Variants in GPR39 observed in about 807,000 individuals in gnomAD.
GPR39 encodes the protein G protein-coupled receptor 39.
GPR39 carries 23 observed loss-of-function variants against 18.4 expected under a neutral mutation model. The ratio of observed to expected loss-of-function variants is 1.25; its 90% CI spans 0.90 to 1.77. GPR39 has a LOEUF of 1.77. Ranked by LOEUF, GPR39 falls within the 40% of genes most tolerant of loss-of-function variation. GPR39 has a pLI of 0.00. For missense variants in GPR39, 647 were observed against 602.4 expected (o/e 1.07, Z -0.78); for synonymous variants, 280 against 257.9 (o/e 1.09, Z -0.82).
At chr2:132,485,510 C>T (rs1681319189) in intron 1 of GPR39, among the ~76,000 whole-genome samples, 1 of 152,206 alleles carries the variant, frequency 6.6e-6, no homozygotes, top group Non-Finnish European at 1.5e-5. Context: ...GAAGTCAATC[C>T]TCTAAAATCC....
intron 1 of GPR39, among the ~76,000 whole-genome samples, chr2:132,605,329 G>C (rs895630625): frequency 6.6e-6 from 1 of 152,204 alleles, no homozygotes; most frequent in African/African-American, 2.4e-5. Flanking sequence ...AGACATCCCA[G>C]GCATGGAGGA....
In GPR39 at chr2:132,645,583, G is replaced by A. The variant is rs202000387; in HGVS notation, c.1339G>A (p.Gly447Ser). The change falls in exon 2 of 2, where the codon GGT becomes AGT. Residue 447 changes from glycine to serine, a missense_variant. Gly to Ser is a moderately conservative substitution (Grantham distance 56, BLOSUM62 0). Coordinates refer to ENST00000329321, the MANE Select transcript of GPR39 (RefSeq NM_001508.3). ...ACCAGCCAATTCTGCTGCAGAGAAT[G>A]GTTTTCAGGAGCATGAAGTTTGAAT... ...AKPANSAAEN[G>S]FQEHEV The A allele has an allele frequency of 1.2e-4, 187 of 1,612,468 alleles. No homozygotes were observed. The highest frequency in any genetic ancestry group is 7.9e-5 in the Non-Finnish European group (93 of 1,179,330).
chr2:132,509,257 CAA>C (rs966793937), intron 1 of GPR39, among the ~76,000 whole-genome samples: 2 of 152,186 alleles, frequency 1.3e-5, no homozygotes, highest in East Asian at 1.9e-4. Flanking sequence ...TTTAGGGAAA[CAA>C]ACACATTTCT....
intron 1 of GPR39, among the ~76,000 whole-genome samples, chr2:132,444,687 T>C (rs1045197857): frequency 6.6e-6 from 1 of 152,226 alleles, no homozygotes; most frequent in Admixed American, 6.5e-5. Context: ...AACTTGATGC[T>C]AATGGCCAGG....
At chr2:132,586,614 C>G (rs1680736734) in intron 1 of GPR39, among the ~76,000 whole-genome samples, 3 of 152,210 alleles carry the variant, frequency 2.0e-5, no homozygotes, top group South Asian at 4.1e-4. Flanking sequence ...GTATCCACAG[C>G]AGAGCTGCTG....
At chr2:132,552,098 T>C (rs1376966031) in intron 1 of GPR39, among the ~76,000 whole-genome samples, 3 of 152,194 alleles carry the variant, frequency 2.0e-5, no homozygotes, top group Non-Finnish European at 4.4e-5. Flanking sequence ...ATATCTATAC[T>C]GAATATGTAC....
intron 1 of GPR39, among the ~76,000 whole-genome samples, chr2:132,482,145 C>T (rs1681246796): frequency 6.6e-6 from 1 of 152,154 alleles, no homozygotes; most frequent in Admixed American, 6.5e-5. Context: ...GCCTGTCTGC[C>T]TCTCTTTGTA....
At chr2:132,529,396 C>T (rs1252785783) in intron 1 of GPR39, among the ~76,000 whole-genome samples, 2 of 152,252 alleles carry the variant, frequency 1.3e-5, no homozygotes, top group East Asian at 3.9e-4. Context: ...TCAAGGAGGC[C>T]TGCCTGCCTC....
chr2:132,509,164 G>T (rs1405132223), intron 1 of GPR39, among the ~76,000 whole-genome samples: 1 of 152,172 alleles, frequency 6.6e-6, no homozygotes, highest in Non-Finnish European at 1.5e-5. Context: ...GCAGGCCTTA[G>T]CCTGACAGAT....
At chr2:132,630,645 A>G (rs938159291) in intron 1 of GPR39, among the ~76,000 whole-genome samples, 2 of 152,202 alleles carry the variant, frequency 1.3e-5, no homozygotes, top group Non-Finnish European at 2.9e-5. Flanking sequence ...CAGGAGTGAC[A>G]GGGAGACTTC....
intron 1 of GPR39, among the ~76,000 whole-genome samples, chr2:132,440,451 A>G (rs553714709): frequency 1.3e-5 from 2 of 152,282 alleles, no homozygotes; most frequent in Admixed American, 1.3e-4. Context: ...GTGAACTGAG[A>G]TGCAGGGGCA....
intron 1 of GPR39, among the ~76,000 whole-genome samples, chr2:132,527,598 A>G (rs560682329): frequency 6.1e-4 from 93 of 152,222 alleles, no homozygotes; most frequent in Non-Finnish European, 3.2e-4. Context: ...CATTGCCAGC[A>G]TCTATTGTTT....
chr2:132,456,848 G>A (rs1022043029), intron 1 of GPR39, among the ~76,000 whole-genome samples: 3 of 152,182 alleles, frequency 2.0e-5, no homozygotes, highest in Non-Finnish European at 2.9e-5. Context: ...CGAGAGATCC[G>A]CTGTTAGTCT....
In GPR39 at chr2:132,509,842, G is replaced by T. The variant is rs530026623; in HGVS notation, c.856+91944G>T. Among the ~76,000 whole-genome samples the T allele has an allele frequency of 9.2e-5, 14 of 152,238 alleles. No homozygotes were observed. The South Asian group carries it at 2.9e-3, about 32-fold the overall frequency. ...ATCCCAGCCCCACCTTGACTCACCTGTCTGCAAGCATCTGCTCATGGTCCT... is the reference window on the plus strand; with the variant it reads ...ATCCCAGCCCCACCTTGACTCACCTTTCTGCAAGCATCTGCTCATGGTCCT... On this transcript the variant is annotated intron_variant, in intron 1 of 1. Transcript: ENST00000329321.
chr2:132,459,816 C>T (rs1343769628), intron 1 of GPR39, among the ~76,000 whole-genome samples: 3 of 152,184 alleles, frequency 2.0e-5, no homozygotes, highest in Admixed American at 6.5e-5. Context: ...ACTTATATGA[C>T]ACTGAGCAAT....
intron 1 of GPR39, among the ~76,000 whole-genome samples, chr2:132,592,698 A>G (rs1680868630): frequency 6.6e-6 from 1 of 152,200 alleles, no homozygotes; most frequent in South Asian, 2.1e-4. Flanking sequence ...GCAGTAATCC[A>G]AGGGAGAGAC....
In GPR39 at chr2:132,565,927, G is replaced by C. The variant is rs201054684; in HGVS notation, c.857-79174G>C. Among the ~76,000 whole-genome samples the C allele has an allele frequency of 7.0e-4, 101 of 143,876 alleles. 1 individual carries two copies. The highest frequency in any genetic ancestry group is 2.5e-3 in the African/African-American group (97 of 38,844). 94.4% of individuals were successfully genotyped at this position (143,876 alleles called of 152,430 possible). ...TTGGGTATATACCCAGTAATGGGAT[G>C]GCTGGGTCAAATGGTATTTCTAGTT... On this transcript the variant is annotated intron_variant, in intron 1 of 1. Transcript: ENST00000329321.
At chr2:132,587,459 T>G (rs1484572767) in intron 1 of GPR39, among the ~76,000 whole-genome samples, 1 of 152,252 alleles carries the variant, frequency 6.6e-6, no homozygotes, top group Non-Finnish European at 1.5e-5. Flanking sequence ...TTGTTGTTAC[T>G]TGGCTTTGGA....
At chr2:132,553,466 A>G (rs773927644) in intron 1 of GPR39, among the ~76,000 whole-genome samples, 3 of 151,966 alleles carry the variant, frequency 2.0e-5, no homozygotes, top group Non-Finnish European at 2.9e-5. Flanking sequence ...ATGCTGAAAG[A>G]TTCAAAAAGT....
Sources: allele counts gnomAD v4.1 joint callset (sites outside exome capture counted in the v4.1 genomes callset), GRCh38; gene constraint gnomAD v4.1.1; transcripts MANE v1.5; gene names NCBI Gene and HGNC (gene_info 2026-07-23, HGNC 2026-07-21).